Variants in ABCA13 observed in about 807,000 individuals in gnomAD.
ABCA13 encodes ATP-binding cassette sub-family A member 13.
In ABCA13, 476 loss-of-function variants were observed where a neutral mutation model predicts 478.7. The ratio of observed to expected loss-of-function variants is 0.99; its 90% CI spans 0.92 to 1.07. The LOEUF is 1.07. Ranked by LOEUF, ABCA13 falls within the 50% of genes least tolerant of loss-of-function variation. ABCA13 has a pLI of 0.00. For missense variants in ABCA13, 6,060 were observed against 5,910.6 expected, an observed-to-expected ratio of 1.03 and a Z score of -0.83; for synonymous variants, 2,252 against 2,158.9, an observed-to-expected ratio of 1.04 and a Z score of -1.20.
At chr7:48,638,937 G>C (rs1180100432) in intron 59 of ABCA13, among the ~76,000 whole-genome samples, 1 of 152,168 alleles carries the variant, frequency 6.6e-6, no homozygotes, top group Non-Finnish European at 1.5e-5. Context: ...TACTCAGCTG[G>C]AACTGTAACT....
At chr7:48,260,089 T>C (rs1446270869) in intron 15 of ABCA13, among the ~76,000 whole-genome samples, 1 of 152,122 alleles carries the variant, frequency 6.6e-6, no homozygotes, top group East Asian at 1.9e-4. Context: ...TCTTTGTTCT[T>C]ATCTGTATTT....
intron 39 of ABCA13, among the ~76,000 whole-genome samples, chr7:48,409,681 T>TA (rs1171711733): frequency 1.3e-5 from 2 of 152,208 alleles, no homozygotes; most frequent in Non-Finnish European, 2.9e-5. Flanking sequence ...ACCTCTTTTT[T>TA]ATCACTGATT....
intron 23 of ABCA13, among the ~76,000 whole-genome samples, chr7:48,301,438 G>A (rs1800144018): frequency 1.3e-5 from 2 of 151,976 alleles, no homozygotes; most frequent in African/African-American, 4.8e-5. Flanking sequence ...TTTAATACAT[G>A]AAGTTTGTTT....
Position 48,394,968 on chromosome 7 carries a change from A to G in ABCA13, c.11873+2829A>G, listed in dbSNP as rs73325721. Among the ~76,000 whole-genome samples, 801 of 152,190 alleles carry G rather than the reference A, an allele frequency of 5.3e-3. 14 individuals are homozygous for G. Among genetic ancestry groups the G allele is most frequent in the African/African-American group, 0.019 (769 of 41,522 alleles). On this transcript the variant is annotated intron_variant, in intron 38 of 61. Coordinates refer to ENST00000435803, the MANE Select transcript of ABCA13 (RefSeq NM_152701.5). The stretch of plus-strand genomic sequence containing the variant: ...ATGGTGAAGGGTCATAGCAGAGGTA[A>G]TGATTGAGCAGCAGGCTACAGGATG...
intron 23 of ABCA13, among the ~76,000 whole-genome samples, chr7:48,305,465 GC>G (rs1800766517): frequency 6.6e-6 from 1 of 152,166 alleles, no homozygotes; most frequent in Non-Finnish European, 1.5e-5. Flanking sequence ...TTAAATACCT[GC>G]GCTCCTTTCA....
At chr7:48,637,391 A>AAAAAAAAAAAAAAAAAAAAAAAAAAAAC (rs1794743026) in intron 59 of ABCA13, among the ~76,000 whole-genome samples, 1 of 147,522 alleles carries the variant, frequency 6.8e-6, no homozygotes, top group African/African-American at 2.5e-5. Context: ...CAAAAAAAAA[A>AAAAAAAAAAAAAAAAAAAAAAAAAAAAC]AAAAAAAAAA....
chr7:48,502,861 C>A (rs1346650406), intron 48 of ABCA13, among the ~76,000 whole-genome samples: 1 of 152,238 alleles, frequency 6.6e-6, no homozygotes, highest in Non-Finnish European at 1.5e-5. Flanking sequence ...TTCTGGCTAC[C>A]AACTCTTTCT....
At chr7:48,184,924 C>A (rs1419943377) in intron 1 of ABCA13, among the ~76,000 whole-genome samples, 10 of 152,302 alleles carry the variant, frequency 6.6e-5, no homozygotes, top group African/African-American at 2.2e-4. Flanking sequence ...TAGCCTCAAC[C>A]CCTTGGGCTC....
At chr7:48,201,974 C>T (rs1798803267) in intron 3 of ABCA13, among the ~76,000 whole-genome samples, 1 of 151,978 alleles carries the variant, frequency 6.6e-6, no homozygotes, top group Non-Finnish European at 1.5e-5. Context: ...GTGAGTGTTA[C>T]AGCTCTTAAC....
At position 48,597,378 on chromosome 7, in the gene ABCA13, G is replaced by A. The variant is rs189430922; in HGVS notation, c.14744+2565G>A. ...TCCATTCACCAGTTGATAAGCATTT[G>A]GGTTGTTTCCAGTGTTTTGCTATTA... On this transcript the variant is annotated intron_variant, in intron 58 of 61. Coordinates refer to ENST00000435803, the MANE Select transcript of ABCA13 (RefSeq NM_152701.5). Among the ~76,000 whole-genome samples the A allele has an allele frequency of 4.3e-4, 65 of 152,242 alleles. No individual in the cohort carries two copies. The East Asian group carries it at 0.012, about 27-fold the overall frequency.
At chr7:48,443,317 G>A (rs975853113) in intron 42 of ABCA13, among the ~76,000 whole-genome samples, 1 of 152,176 alleles carries the variant, frequency 6.6e-6, no homozygotes, top group Admixed American at 6.5e-5. Flanking sequence ...GAGTTCGGCT[G>A]GTTGATTCCT....
chr7:48,508,296 CAA>C, intron 50 of ABCA13, among the ~76,000 whole-genome samples: 1 of 152,258 alleles, frequency 6.6e-6, no homozygotes, highest in South Asian at 2.1e-4. Flanking sequence ...TACAAAGATG[CAA>C]AGTTTCTTAT....
intron 3 of ABCA13, among the ~76,000 whole-genome samples, chr7:48,203,469 G>C (rs996987301): frequency 1.1e-4 from 17 of 152,242 alleles, no homozygotes; most frequent in African/African-American, 4.1e-4. Flanking sequence ...CCAGCACGCT[G>C]TCACCTCTCA....
intron 48 of ABCA13, among the ~76,000 whole-genome samples, chr7:48,497,684 TCGCCCACCAGC>T (rs71006567): frequency 0.036 from 5,513 of 152,228 alleles, 130 homozygotes; most frequent in South Asian, 0.11. Context: ...TGGGACCAGA[TCGCCCACCAGC>T]CTCACTGACA....
At chr7:48,184,311 A>T (rs917241384) in intron 1 of ABCA13, among the ~76,000 whole-genome samples, 1 of 152,208 alleles carries the variant, frequency 6.6e-6, no homozygotes, top group African/African-American at 2.4e-5. Flanking sequence ...TGTAGGTATT[A>T]CAGATAACTG....
chr7:48,224,790 A>T (rs935886012), intron 5 of ABCA13, among the ~76,000 whole-genome samples: 1 of 152,158 alleles, frequency 6.6e-6, no homozygotes, highest in African/African-American at 2.4e-5. Context: ...TAAAAAAGTC[A>T]GCGCCATATT....
In ABCA13 at chr7:48,329,193, A is replaced by G. The variant is rs999830566; in HGVS notation, c.10000-6229A>G. Among the ~76,000 whole-genome samples the G allele has an allele frequency of 1.6e-4, 25 of 152,216 alleles. 1 individual carries two copies. The highest frequency in any genetic ancestry group is 5.1e-4 in the African/African-American group (21 of 41,460). ...ACCAACATAATGCATCTGTTTTTGT[A>G]AACATATAGATAAACTCAGGGGGTC... On this transcript the variant is annotated intron_variant, in intron 27 of 61. Transcript: ENST00000435803.
At chr7:48,194,296 GTGA>G (rs966124854) in intron 2 of ABCA13, among the ~76,000 whole-genome samples, 12 of 14,246 alleles carry the variant, frequency 8.4e-4, no homozygotes, top group Non-Finnish European at 1.8e-3. Context: ...GGTAATGATG[GTGA>G]TGATGATGAT....
At chr7:48,232,010 C>T (rs1490739826) in intron 7 of ABCA13, among the ~76,000 whole-genome samples, 1 of 152,044 alleles carries the variant, frequency 6.6e-6, no homozygotes, top group Non-Finnish European at 1.5e-5. Flanking sequence ...TTCTACAATC[C>T]CATTCAGAAT....
Sources: gnomAD v4.1 joint callset for allele counts (sites outside exome capture counted in the v4.1 genomes callset) on GRCh38, gnomAD v4.1.1 for gene constraint, MANE v1.5 for transcripts, NCBI Gene and HGNC (gene_info 2026-07-23, HGNC 2026-07-21) for gene names.